FDFT1: variants seen among roughly 807,000 people sequenced by gnomAD.
FDFT1 encodes the protein squalene synthase.
FDFT1 carries 68 observed loss-of-function variants against 46.8 expected under a neutral mutation model. That is an observed-to-expected ratio of 1.45 (90% CI 1.19 to 1.78). FDFT1 has a LOEUF of 1.78. Ranked by LOEUF, FDFT1 falls within the 40% of genes most tolerant of loss-of-function variation. FDFT1 has a pLI of 0.00. For synonymous variants in FDFT1, 351 were observed against 185.1 expected, an observed-to-expected ratio of 1.90 and a Z score of -7.28; for missense variants, 928 against 524.4, an observed-to-expected ratio of 1.77 and a Z score of -7.52.
At chr8:11,803,517 A>G (rs1408467082) in intron 1 of FDFT1, 1 of 1,209,640 alleles carries the variant, frequency 8.3e-7, no homozygotes, top group Non-Finnish European at 1.0e-6. Flanking sequence ...GGTTGGTGGA[A>G]GGTCAGAACT....
At chr8:11,827,481 G>A (rs1554525393) in intron 5 of FDFT1, among the ~76,000 whole-genome samples, 2 of 151,242 alleles carry the variant, frequency 1.3e-5, no homozygotes, top group Non-Finnish European at 2.9e-5. Flanking sequence ...TCACACCACT[G>A]CACTCCAGCC....
At chr8:11,807,029 TAAAAACAAC>T (rs1174669351) in intron 1 of FDFT1, among the ~76,000 whole-genome samples, 1 of 40,264 alleles carries the variant, frequency 2.5e-5, no homozygotes, top group Non-Finnish European at 8.7e-5. Flanking sequence ...TATATACAAA[TAAAAACAAC>T]ATAGTTCACT....
intron 3 of FDFT1, among the ~76,000 whole-genome samples, chr8:11,817,618 A>G (rs1808640152): frequency 6.6e-6 from 1 of 152,190 alleles, no homozygotes; most frequent in Admixed American, 6.5e-5. Flanking sequence ...CGAGGAATGT[A>G]TCCATTTCTT....
upstream of FDFT1, chr8:11,802,522 G>A (rs1038286290): frequency 3.8e-6 from 2 of 529,546 alleles, no homozygotes; most frequent in African/African-American, 1.9e-5. Flanking sequence ...CCTCTTTCTC[G>A]GCCTCCAATG....
chr8:11,803,915 C>G (rs770001997), intron 1 of FDFT1: 1 of 152,274 alleles, frequency 6.6e-6, no homozygotes, highest in African/African-American at 2.4e-5. Context: ...GTAGAACATT[C>G]AGTTTTCTTC....
chr8:11,807,410 A>T (rs918805341), intron 1 of FDFT1, among the ~76,000 whole-genome samples: 1 of 152,136 alleles, frequency 6.6e-6, no homozygotes, highest in African/African-American at 2.4e-5. Context: ...TGATTCTCCC[A>T]CCTTGGCCTT....
At position 11,830,231 on chromosome 8, in the gene FDFT1, C is replaced by G. The variant is rs747821827; in HGVS notation, c.703-13C>G. The G allele has an allele frequency of 1.2e-6, 2 of 1,608,630 alleles. No individual in the cohort carries two copies. The highest frequency in any genetic ancestry group is 8.5e-7 in the Non-Finnish European group (1 of 1,175,012). ...ACACGCTGACCTGTTCCTTAATCTT[C>G]TTATCTGTCTAGGTTTGGAGCAGGT... On this transcript the variant is annotated splice_polypyrimidine_tract_variant and intron_variant, in intron 5 of 7. Coordinates refer to ENST00000220584, the MANE Select transcript of FDFT1 (RefSeq NM_004462.5).
chr8:11,824,792 G>C (rs772733622), intron 4 of FDFT1, among the ~76,000 whole-genome samples: 1 of 152,158 alleles, frequency 6.6e-6, no homozygotes, highest in Non-Finnish European at 1.5e-5. Flanking sequence ...CTGGAGTGCA[G>C]TGGCGCGATC....
intron 3 of FDFT1, among the ~76,000 whole-genome samples, chr8:11,816,884 GCCAGAAC>G (rs575572849): frequency 5.5e-4 from 83 of 152,184 alleles, no homozygotes; most frequent in Middle Eastern, 3.4e-3. Context: ...GATTATCCTG[GCCAGAAC>G]TACCAATACT....
chr8:11,805,106 A>G (rs969861902), intron 1 of FDFT1, among the ~76,000 whole-genome samples: 10 of 151,264 alleles, frequency 6.6e-5, no homozygotes, highest in Admixed American at 4.0e-4. Flanking sequence ...TTGTAGACAC[A>G]ATGTCTCGCT....
intron 3 of FDFT1, among the ~76,000 whole-genome samples, chr8:11,811,047 A>G (rs1257704066): frequency 1.3e-5 from 2 of 152,174 alleles, no homozygotes; most frequent in Admixed American, 6.5e-5. Context: ...ATATAGTACA[A>G]CATAATACAA....
chr8:11,807,159 T>G (rs745391264), intron 1 of FDFT1, among the ~76,000 whole-genome samples: 1 of 152,108 alleles, frequency 6.6e-6, no homozygotes, highest in African/African-American at 2.4e-5. Flanking sequence ...GGATATTTGT[T>G]TTTTATTTTT....
At chr8:11,825,967 G>C in intron 4 of FDFT1, 57 bp from the exon 5 acceptor site, 2 of 1,268,388 alleles carry the variant, frequency 1.6e-6, no homozygotes, top group South Asian at 3.5e-5. Context: ...GATCTCTAGT[G>C]TGTCCATTTC....
At chr8:11,822,453 T>C (rs1164446949) in intron 4 of FDFT1, among the ~76,000 whole-genome samples, 2 of 152,204 alleles carry the variant, frequency 1.3e-5, no homozygotes, top group Non-Finnish European at 2.9e-5. Context: ...GCAGTTATCT[T>C]TGGAACTGCT....
intron 3 of FDFT1, 147 bp from the exon 4 acceptor site, chr8:11,821,603 A>T: frequency 1.0e-6 from 1 of 956,122 alleles, no homozygotes; most frequent in Non-Finnish European, 1.5e-6. Flanking sequence ...AAACAAAAAC[A>T]AAAACAAAAA....
At chr8:11,800,995 TTAGAA>T (rs1439284981), upstream of FDFT1, among the ~76,000 whole-genome samples, 3 of 152,090 alleles carry the variant, frequency 2.0e-5, no homozygotes, top group Admixed American at 2.0e-4. Flanking sequence ...AAATGATGTA[TTAGAA>T]TATGGTAAAT....
intron 7 of FDFT1, among the ~76,000 whole-genome samples, chr8:11,837,975 T>G (rs930687600): frequency 1.3e-5 from 2 of 152,188 alleles, no homozygotes; most frequent in Non-Finnish European, 2.9e-5. Context: ...TACTGCGTGT[T>G]CCATCTTGTT....
Position 11,839,023 on chromosome 8 carries a change from T to C in FDFT1, c.*414T>C. 5.8e-6 allele frequency: 1 copy of C among 173,708 alleles called. No individual in the cohort carries two copies. Among genetic ancestry groups the C allele is most frequent in the Non-Finnish European group, 1.2e-5 (1 of 80,270 alleles). 10.8% of individuals were successfully genotyped at this position (173,708 alleles called of 1,614,324 possible). Reference sequence around the variant, plus strand: ...GTGAATTTTCTTTCTGTTCGGCTCCTATTTTTCTCATCATTTTGTTTTCTT... The same window carrying C: ...GTGAATTTTCTTTCTGTTCGGCTCCCATTTTTCTCATCATTTTGTTTTCTT... On this transcript the variant is annotated 3_prime_UTR_variant, in exon 8 of 8. Coordinates refer to ENST00000220584, the MANE Select transcript of FDFT1 (RefSeq NM_004462.5).
Position 11,820,329 on chromosome 8 carries a change from G to A in FDFT1, c.382-1421G>A, listed in dbSNP as rs183813359. On this transcript the variant is annotated intron_variant, in intron 3 of 7. Transcript: ENST00000220584. ...AGGGACCCACTTGAGGAGGCAGTCT[G>A]TCCGTTACTGGAGTTCAAATGCCGA... Among the ~76,000 whole-genome samples the A allele has an allele frequency of 3.3e-5, 5 of 152,298 alleles. No homozygotes were observed. The East Asian group carries it at 7.7e-4, about 24-fold the overall frequency.
Sources: gnomAD v4.1 joint callset for allele counts (sites outside exome capture counted in the v4.1 genomes callset) on GRCh38, gnomAD v4.1.1 for gene constraint, MANE v1.5 for transcripts, NCBI Gene and HGNC (gene_info 2026-07-23, HGNC 2026-07-21) for gene names.